Variants in MED22 observed in about 807,000 individuals in gnomAD.
MED22 encodes mediator of RNA polymerase II transcription subunit 22.
In MED22, 22 loss-of-function variants were observed where a neutral mutation model predicts 22.7. The ratio of observed to expected loss-of-function variants is 0.97; its 90% CI spans 0.69 to 1.38. MED22 has a LOEUF of 1.38. Among genes scored for constraint, MED22 ranks in the 40% most tolerant of loss-of-function variants. The pLI, the probability that MED22 is intolerant of heterozygous loss-of-function variation, is 0.00. For missense variants in MED22, 247 were observed against 263.0 expected (o/e 0.94, Z 0.42); for synonymous variants, 134 against 119.4 (o/e 1.12, Z -0.80).
At chr9:133,346,723 G>C in intron 1 of MED22, 23 bp from the exon 2 acceptor site, 1 of 1,585,366 alleles carries the variant, frequency 6.3e-7, no homozygotes, top group South Asian at 1.1e-5. Flanking sequence ...ACAGACCTCT[G>C]AGTGCAGGCA....
At chr9:133,343,384 A>G in intron 4 of MED22, 3 of 1,228,938 alleles carry the variant, frequency 2.4e-6, no homozygotes, top group East Asian at 3.2e-5. Flanking sequence ...CCCTAAGTAA[A>G]TGATACGTAG....
chr9:133,343,893 G>A, intron 4 of MED22: 3 of 1,427,946 alleles, frequency 2.1e-6, no homozygotes, highest in South Asian at 3.1e-5. Flanking sequence ...ACTGGCGTGA[G>A]TCCTGTGGTT....
chr9:133,344,743 C>T (rs2129962636), intron 3 of MED22, among the ~76,000 whole-genome samples: 7 of 152,178 alleles, frequency 4.6e-5, no homozygotes, highest in Non-Finnish European at 1.0e-4. Context: ...GAGCCCTGGA[C>T]GTGCACCTGC....
At chr9:133,343,238 C>A (rs909306798) in intron 4 of MED22, 1 of 1,194,388 alleles carries the variant, frequency 8.4e-7, no homozygotes, top group Non-Finnish European at 1.0e-6. Flanking sequence ...TATTTTAAAT[C>A]CACCACCAGG....
At chr9:133,344,048 G>C in intron 4 of MED22, 77 bp downstream of exon 4, 1 of 1,593,248 alleles carries the variant, frequency 6.3e-7, no homozygotes, top group Non-Finnish European at 8.6e-7. Context: ...TGAAAAAGCA[G>C]AAGGCAGCCC....
intron 4 of MED22, 173 bp downstream of exon 4, chr9:133,343,952 G>A (rs1366997739): frequency 2.1e-6 from 3 of 1,451,974 alleles, no homozygotes; most frequent in Non-Finnish European, 2.7e-6. Flanking sequence ...GCATATGGAT[G>A]TGAATTGTCT....
intron 4 of MED22, 192 bp from the exon 5 acceptor site, chr9:133,341,886 G>C (rs1291762774): frequency 2.9e-6 from 4 of 1,371,362 alleles, no homozygotes; most frequent in Non-Finnish European, 3.7e-6. Flanking sequence ...CCAGTGGTGA[G>C]AGCCACCCTA....
intron 2 of MED22, among the ~76,000 whole-genome samples, chr9:133,346,195 G>A (rs974393417): frequency 6.6e-6 from 1 of 152,092 alleles, no homozygotes; most frequent in Admixed American, 6.6e-5. Context: ...CACCTGCCTG[G>A]AGGCCCCCCC....
chr9:133,342,725 C>G, intron 4 of MED22: 1 of 985,932 alleles, frequency 1.0e-6, no homozygotes, highest in Non-Finnish European at 1.2e-6. Context: ...AGGAGGCCTG[C>G]GGGAGGGGAC....
At chr9:133,344,648 T>A (rs1044218323) in intron 3 of MED22, among the ~76,000 whole-genome samples, 12 of 152,158 alleles carry the variant, frequency 7.9e-5, no homozygotes, top group African/African-American at 2.9e-4. Flanking sequence ...AAAACTGCGA[T>A]CCCATTTTGC....
At position 133,341,443 on chromosome 9, in the gene MED22, T is replaced by C; in HGVS notation, c.*62A>G. On this transcript the variant is annotated 3_prime_UTR_variant, in exon 5 of 5. Transcript: ENST00000343730. ...ACCTAGGCTGAGAGAAGCAAGGCTG[T>C]GAGGGCATCCAAAGGGCTGCCTCAG... is the stretch of plus-strand genomic sequence containing the variant. 1 of 1,423,446 alleles carries C rather than the reference T, an allele frequency of 7.0e-7. No homozygotes were observed. Among genetic ancestry groups the C allele is most frequent in the Non-Finnish European group, 9.2e-7 (1 of 1,090,732 alleles). The allele number at this position is 1,423,446 out of a possible 1,614,324, so 88.2% of individuals were successfully genotyped here. A position where few individuals can be genotyped will look rare whatever the true frequency, so the allele number is the denominator to read the frequency against.
In MED22 at chr9:133,339,258, C is replaced by G. The variant is rs1835955839; in HGVS notation, c.*2247G>C. ...GATTCTTGCCAAGAGAATGAATGTG[C>G]ATATTCAGCACACTAAGCACTCTAA... On this transcript the variant is annotated 3_prime_UTR_variant, in exon 5 of 5. Transcript: ENST00000343730. The G allele has an allele frequency of 1.5e-6, 1 of 673,836 alleles. No homozygotes were observed. Among genetic ancestry groups the G allele is most frequent in the Non-Finnish European group, 2.8e-6 (1 of 362,326 alleles). The allele number at this position is 673,836 out of a possible 1,614,324, so 41.7% of individuals were successfully genotyped here. A position where few individuals can be genotyped will look rare whatever the true frequency, so the allele number is the denominator to read the frequency against.
At position 133,341,604 on chromosome 9, in the gene MED22, G is replaced by A. The variant is rs1047819124; in HGVS notation, c.504C>T (p.Ala168=). 8.2e-6 allele frequency: 13 copies of A among 1,591,996 alleles called. No individual in the cohort carries two copies. The highest frequency in any genetic ancestry group is 1.8e-5 in the Admixed American group (1 of 55,452). Residue 168 remains alanine (A), a synonymous_variant, in exon 5 of 5, where the codon GCC becomes GCT. Coordinates refer to ENST00000343730, the MANE Select transcript of MED22 (RefSeq NM_133640.5). ...LDTDSADGLS[A]PLLASPEPSA... ...TGGGCTCCGGGGACGCCAGCAGAGG[G>A]GCCGAGAGGCCATCAGCAGAGTCTG...
chr9:133,346,341 T>G (rs1342005270), intron 2 of MED22, 199 bp downstream of exon 2: 8 of 629,968 alleles, frequency 1.3e-5, no homozygotes, highest in Non-Finnish European at 2.2e-5. Context: ...CACTAAAAAG[T>G]GAAATCTCCA....
In MED22 at chr9:133,338,731, C is replaced by T. The variant is rs927108495; in HGVS notation, c.*2774G>A. The T allele has an allele frequency of 1.9e-5, 6 of 309,698 alleles. No homozygotes were observed. The highest frequency in any genetic ancestry group is 5.8e-5 in the South Asian group (2 of 34,476). 19.2% of individuals were successfully genotyped at this position (309,698 alleles called of 1,614,324 possible). ...TGCTGGGGTTGCAGGCGTAAGCCAC[C>T]GCGCCCGGCCGATTTCTATACTTTT... On this transcript the variant is annotated 3_prime_UTR_variant, in exon 5 of 5. Transcript: ENST00000343730.
Position 133,341,699 on chromosome 9 carries a change from TCCA to T in MED22, c.414-8_414-6del. On this transcript the variant is annotated splice_polypyrimidine_tract_variant and splice_region_variant and intron_variant, in intron 4 of 4. Coordinates refer to ENST00000343730, the MANE Select transcript of MED22 (RefSeq NM_133640.5). Reference sequence around the variant, plus strand: ...TTAGCTTCGCAAAGGCTTGAGCTTTTCCACCACCAGAAACCCCAGGGAGAGACA... The same window carrying T: ...TTAGCTTCGCAAAGGCTTGAGCTTTTCCACCAGAAACCCCAGGGAGAGACA... The T allele has an allele frequency of 6.2e-7, 1 of 1,605,128 alleles. No homozygotes were observed. The highest frequency in any genetic ancestry group is 8.5e-7 in the Non-Finnish European group (1 of 1,176,064).
chr9:133,341,969 C>T, intron 4 of MED22: 1 of 1,243,926 alleles, frequency 8.0e-7, no homozygotes, highest in South Asian at 1.9e-5. Flanking sequence ...CCTTCCTGCC[C>T]AGCCTCCACG....
At chr9:133,346,280 G>C (rs2097542740) in intron 2 of MED22, 1 of 477,718 alleles carries the variant, frequency 2.1e-6, no homozygotes, top group Non-Finnish European at 3.8e-6. Flanking sequence ...GTTTTACACA[G>C]ATAAACTCAC....
intron 2 of MED22, among the ~76,000 whole-genome samples, chr9:133,345,523 A>T (rs954587517): frequency 6.6e-6 from 1 of 152,240 alleles, no homozygotes; most frequent in Non-Finnish European, 1.5e-5. Flanking sequence ...TACTAGGTGC[A>T]GGGATGGGGG....
Sources: allele counts gnomAD v4.1 joint callset (sites outside exome capture counted in the v4.1 genomes callset), GRCh38; gene constraint gnomAD v4.1.1; transcripts MANE v1.5; gene names NCBI Gene and HGNC (gene_info 2026-07-23, HGNC 2026-07-21).